The following SLC1A2 variants were observed in gnomAD, a reference collection of about 807,000 sequenced individuals.
SLC1A2 encodes solute carrier family 1 member 2, also known as excitatory amino acid transporter 2.
In SLC1A2, 15 loss-of-function variants were observed where a neutral mutation model predicts 48.8. The ratio of observed to expected loss-of-function variants is 0.31; its 90% CI spans 0.21 to 0.47. The LOEUF (loss-of-function observed/expected upper bound fraction) is 0.47, where lower values mean the gene tolerates loss of function less well. SLC1A2 is among the 20% of genes least tolerant of loss of function. SLC1A2 has a pLI of 0.99. For synonymous variants in SLC1A2, 279 were observed against 272.6 expected (o/e 1.02, Z -0.23); for missense variants, 502 against 730.5 (o/e 0.69, Z 3.61).
chr11:35,322,723 C>T (rs1292598151), intron 1 of SLC1A2: 8 of 1,064,340 alleles, frequency 7.5e-6, no homozygotes, highest in South Asian at 1.3e-5. Flanking sequence ...GGTCCTCTCC[C>T]GTAAGACAGT....
In SLC1A2 at chr11:35,280,923, T is replaced by C. The variant is rs7102949; in HGVS notation, c.1365A>G (p.Thr455=). Residue 455 remains threonine, a synonymous_variant, in exon 9 of 11, where the codon ACA becomes ACG. Coordinates refer to ENST00000278379, the MANE Select transcript of SLC1A2 (RefSeq NM_004171.4). Reference sequence around the variant, plus strand: ...TGTCCTCTGTTGGCAGGCCCACGGCTGTCAGAATGAGGAGCATGGTGACCA... The same window carrying C: ...TGTCCTCTGTTGGCAGGCCCACGGCCGTCAGAATGAGGAGCATGGTGACCA... ...AGLVTMLLIL[T]AVGLPTEDIS... 16,959 of 1,613,326 alleles carry C rather than the reference T, an allele frequency of 0.011. 1,383 individuals are homozygous for C. The African/African-American group carries it at 0.19, about 18-fold the overall frequency.
rs1854956934 is a variant in SLC1A2 at position 35,396,344 on chromosome 11, T to C, written c.17+22606A>G. Among the ~76,000 whole-genome samples, 3 of 125,912 alleles carry C rather than the reference T, an allele frequency of 2.4e-5. No homozygotes were observed. In the Admixed American group the frequency reaches 2.4e-4, roughly 10 times the overall value. The allele number at this position is 125,912 out of a possible 152,430, so 82.6% of individuals were successfully genotyped here. A position where few individuals can be genotyped will look rare whatever the true frequency, so the allele number is the denominator to read the frequency against. ...CACATCCTCTCCAGCACCTGTTGTT[T>C]CCTGACTTTTTAATGATTGCCATTC... On this transcript the variant is annotated intron_variant, in intron 1 of 10. Coordinates refer to ENST00000278379, the MANE Select transcript of SLC1A2 (RefSeq NM_004171.4).
intron 1 of SLC1A2, among the ~76,000 whole-genome samples, chr11:35,375,612 C>T (rs958029024): frequency 6.6e-6 from 1 of 152,278 alleles, no homozygotes; most frequent in South Asian, 2.1e-4. Context: ...GTGGCTATTT[C>T]AGTTGGGCCA....
intron 1 of SLC1A2, among the ~76,000 whole-genome samples, chr11:35,337,871 C>A (rs566663836): frequency 6.6e-6 from 1 of 152,284 alleles, no homozygotes; most frequent in East Asian, 1.9e-4. Flanking sequence ...GAATACACTG[C>A]TGACTTATGA....
chr11:35,265,864 C>T (rs776912779), intron 9 of SLC1A2, 106 bp from the exon 10 acceptor site: 73 of 671,846 alleles, frequency 1.1e-4, no homozygotes, highest in African/African-American at 1.6e-4. Flanking sequence ...ACTGGCTCTA[C>T]CTTTTCCCTC....
intron 9 of SLC1A2, among the ~76,000 whole-genome samples, chr11:35,279,147 CA>C (rs1322722982): frequency 6.6e-6 from 1 of 152,224 alleles, no homozygotes; most frequent in Non-Finnish European, 1.5e-5. Flanking sequence ...TCTGGGCCAG[CA>C]CTTGTCACTC....
chr11:35,412,991 A>G (rs1855510912), intron 1 of SLC1A2, among the ~76,000 whole-genome samples: 1 of 152,120 alleles, frequency 6.6e-6, no homozygotes, highest in African/African-American at 2.4e-5. Context: ...GGGTGGGGGG[A>G]AAGGTAGCTT....
At chr11:35,321,645 C>T (rs7110985) in intron 1 of SLC1A2, among the ~76,000 whole-genome samples, 48,563 of 151,842 alleles carry the variant, frequency 0.32, 8,559 homozygotes, top group South Asian at 0.53. Context: ...ACTATTTCAG[C>T]GCCCCCTAAG....
At chr11:35,300,096 C>T (rs910992866) in intron 6 of SLC1A2, among the ~76,000 whole-genome samples, 2 of 152,174 alleles carry the variant, frequency 1.3e-5, no homozygotes, top group Non-Finnish European at 2.9e-5. Context: ...CTCATGCTCT[C>T]CTAGGCTCCC....
At chr11:35,265,086 G>A (rs1026775325) in intron 10 of SLC1A2, 2 of 164,254 alleles carry the variant, frequency 1.2e-5, no homozygotes, top group South Asian at 3.5e-4. Flanking sequence ...CTAGCAGGAG[G>A]GCGCCCGCCA....
intron 1 of SLC1A2, among the ~76,000 whole-genome samples, chr11:35,402,733 A>T (rs1430154953): frequency 2.6e-5 from 4 of 152,226 alleles, no homozygotes; most frequent in African/African-American, 7.2e-5. Flanking sequence ...GCCATAGCCC[A>T]GGTGGATAGC....
chr11:35,417,951 C>A (rs997894400), intron 1 of SLC1A2, among the ~76,000 whole-genome samples: 4 of 152,186 alleles, frequency 2.6e-5, no homozygotes, highest in Non-Finnish European at 5.9e-5. Context: ...CCCAGAGAAG[C>A]CCCTGATATT....
Position 35,337,144 on chromosome 11 carries a change from C to A in SLC1A2, c.18-19628G>T, listed in dbSNP as rs560826665. On this transcript the variant is annotated intron_variant, in intron 1 of 10. Transcript: ENST00000278379. ...TAACCAAAATCCAGGGAGGGTTTTG[C>A]CAGAATCATGAAGAATTTTATGAAT... 2.3e-4 allele frequency among the ~76,000 whole-genome samples: 35 copies of A among 152,056 alleles called. 1 individual carries two copies. The highest frequency in any genetic ancestry group is 4.3e-4 in the Non-Finnish European group (29 of 67,992).
In SLC1A2 at chr11:35,260,888, A is replaced by C; in HGVS notation, c.*6T>G. The C allele has an allele frequency of 6.2e-7, 1 of 1,604,836 alleles. No individual in the cohort carries two copies. Among genetic ancestry groups the C allele is most frequent in the East Asian group, 2.2e-5 (1 of 44,848 alleles). ...TTTATTCAAGAATTTGCTGAGACTC[A>C]TATCCTTATTTCTCACGTTTCCAAG... On this transcript the variant is annotated 3_prime_UTR_variant, in exon 11 of 11. Coordinates refer to ENST00000278379, the MANE Select transcript of SLC1A2 (RefSeq NM_004171.4).
chr11:35,266,890 G>C (rs1191027781), intron 9 of SLC1A2, among the ~76,000 whole-genome samples: 1 of 152,162 alleles, frequency 6.6e-6, no homozygotes, highest in East Asian at 1.9e-4. Flanking sequence ...TCTTATTAGA[G>C]AATAATAAGG....
intron 7 of SLC1A2, among the ~76,000 whole-genome samples, chr11:35,287,567 G>A (rs553706480): frequency 4.1e-4 from 62 of 152,240 alleles, no homozygotes; most frequent in African/African-American, 1.3e-3. Flanking sequence ...TATGCTCATC[G>A]GCCAATTCTA....
intron 9 of SLC1A2, among the ~76,000 whole-genome samples, chr11:35,267,243 G>A (rs1850120441): frequency 6.6e-6 from 1 of 152,194 alleles, no homozygotes. Flanking sequence ...GAACTTTAGA[G>A]GCAGCCTGAT....
chr11:35,339,238 A>G (rs1487852228), intron 1 of SLC1A2, among the ~76,000 whole-genome samples: 1 of 152,228 alleles, frequency 6.6e-6, no homozygotes, highest in Admixed American at 6.5e-5. Context: ...TCATTCAGCA[A>G]GAAACATGGA....
At chr11:35,348,980 A>G (rs186253527) in intron 1 of SLC1A2, among the ~76,000 whole-genome samples, 3 of 151,356 alleles carry the variant, frequency 2.0e-5, no homozygotes, top group African/African-American at 7.3e-5. Flanking sequence ...CTGAGTTTGG[A>G]AGGCTATAGG....
Sources: gnomAD v4.1 joint callset for allele counts (sites outside exome capture counted in the v4.1 genomes callset) on GRCh38, gnomAD v4.1.1 for gene constraint, MANE v1.5 for transcripts, NCBI Gene and HGNC (gene_info 2026-07-23, HGNC 2026-07-21) for gene names.